Variants in SLC4A4 observed in about 807,000 individuals in gnomAD.
SLC4A4 encodes electrogenic sodium bicarbonate cotransporter 1.
SLC4A4 carries 27 observed loss-of-function variants against 111.5 expected under a neutral mutation model. The ratio of observed to expected loss-of-function variants is 0.24; its 90% CI spans 0.18 to 0.33. SLC4A4 has a LOEUF of 0.33. Among genes scored for constraint, SLC4A4 ranks in the 10% least tolerant of loss-of-function variants. SLC4A4 has a pLI of 1.00. For synonymous variants in SLC4A4, 443 were observed against 463.4 expected, an observed-to-expected ratio of 0.96 and a Z score of 0.57; for missense variants, 909 against 1,315.5, an observed-to-expected ratio of 0.69 and a Z score of 4.78.
chr4:71,145,836 C>T (rs188589588), intron 2 of SLC4A4, among the ~76,000 whole-genome samples: 3 of 152,094 alleles, frequency 2.0e-5, no homozygotes, highest in Non-Finnish European at 4.4e-5. Flanking sequence ...ATTCTTCTCT[C>T]TTTTCTTCTT....
At chr4:71,376,154 T>TACACACACAC (rs1280052167) in intron 6 of SLC4A4, among the ~76,000 whole-genome samples, 97 of 55,056 alleles carry the variant, frequency 1.8e-3, no homozygotes, top group Admixed American at 2.8e-3. Flanking sequence ...TACCTGTATA[T>TACACACACAC]ATACACACAC....
chr4:71,402,491 G>A (rs1720458319), intron 7 of SLC4A4, among the ~76,000 whole-genome samples: 1 of 152,158 alleles, frequency 6.6e-6, no homozygotes, highest in Non-Finnish European at 1.5e-5. Flanking sequence ...CTGAATGTGG[G>A]TGGTCTTACT....
At chr4:71,106,521 C>T (rs1242803609) in intron 2 of SLC4A4, among the ~76,000 whole-genome samples, 11 of 144,092 alleles carry the variant, frequency 7.6e-5, no homozygotes, top group African/African-American at 2.9e-4. Flanking sequence ...TTGGAACCAA[C>T]CCAAATGTCC....
At chr4:71,421,397 A>G (rs1026042143) in intron 7 of SLC4A4, among the ~76,000 whole-genome samples, 1 of 152,216 alleles carries the variant, frequency 6.6e-6, no homozygotes, top group Non-Finnish European at 1.5e-5. Context: ...GGAGACTTTA[A>G]CACCCCACTG....
chr4:71,145,382 T>C (rs1744134439), intron 2 of SLC4A4, among the ~76,000 whole-genome samples: 1 of 152,150 alleles, frequency 6.6e-6, no homozygotes, highest in Non-Finnish European at 1.5e-5. Flanking sequence ...CATCAATGTT[T>C]ATCAAGGATA....
intron 8 of SLC4A4, 66 bp from the exon 9 acceptor site, chr4:71,447,580 A>G: frequency 1.0e-6 from 1 of 965,162 alleles, no homozygotes; most frequent in South Asian, 1.3e-5. Context: ...AACATTTCTC[A>G]GTTTTATGTA....
chr4:71,188,503 A>C (rs966658679), intron 1 of SLC4A4, among the ~76,000 whole-genome samples: 1 of 152,198 alleles, frequency 6.6e-6, no homozygotes, highest in Non-Finnish European at 1.5e-5. Context: ...GGGCTGTACT[A>C]AACGCTCATT....
At chr4:71,494,002 AT>A (rs1730179802) in intron 15 of SLC4A4, among the ~76,000 whole-genome samples, 1 of 151,856 alleles carries the variant, frequency 6.6e-6, no homozygotes, top group African/African-American at 2.4e-5. Context: ...TCCATTGTGG[AT>A]ACCCTAGATG....
chr4:71,347,513 T>C (rs905437492), intron 4 of SLC4A4, among the ~76,000 whole-genome samples: 1 of 152,108 alleles, frequency 6.6e-6, no homozygotes, highest in Non-Finnish European at 1.5e-5. Flanking sequence ...AGGGGCTAGA[T>C]AGCTGTCTGG....
Position 71,497,560 on chromosome 4 carries a change from A to T in SLC4A4, c.2034A>T (p.Gly678=). The T allele has an allele frequency of 6.2e-7, 1 of 1,613,644 alleles. No individual in the cohort carries two copies. The highest frequency in any genetic ancestry group is 2.2e-5 in the East Asian group (1 of 44,800). Residue 678 remains glycine, a synonymous_variant, in exon 16 of 26, where the codon GGA becomes GGT. Transcript: ENST00000264485. ...CGAAGAAGGAGTGTTCAAAATACGG[A>T]GGAAACCTCGTCGGGAACAACTGTA... ...FLSKKECSKY[G]GNLVGNNCNF...
chr4:71,420,308 C>T (rs146799120), intron 7 of SLC4A4, among the ~76,000 whole-genome samples: 21,770 of 152,098 alleles, frequency 0.14, 1,852 homozygotes, highest in South Asian at 0.29. Context: ...AAGAAACGAA[C>T]AAAGCCTCCA....
chr4:71,198,441 G>T (rs1023221991), intron 1 of SLC4A4, among the ~76,000 whole-genome samples: 1 of 152,136 alleles, frequency 6.6e-6, no homozygotes, highest in Non-Finnish European at 1.5e-5. Context: ...ATTCCTTTGA[G>T]GGTTTGGTCT....
chr4:71,183,624 GA>G (rs1422222753), upstream of SLC4A4, among the ~76,000 whole-genome samples: 1 of 152,152 alleles, frequency 6.6e-6, no homozygotes, highest in East Asian at 1.9e-4. Flanking sequence ...TTTAGAATGA[GA>G]AGAACAAAAG....
intron 6 of SLC4A4, among the ~76,000 whole-genome samples, chr4:71,379,403 A>C (rs1717870827): frequency 6.6e-6 from 1 of 152,042 alleles, no homozygotes; most frequent in Admixed American, 6.6e-5. Context: ...TCTATCACTT[A>C]TTCATGCTGT....
At chr4:71,143,054 C>G (rs998917632) in intron 2 of SLC4A4, among the ~76,000 whole-genome samples, 1 of 152,020 alleles carries the variant, frequency 6.6e-6, no homozygotes, top group African/African-American at 2.4e-5. Context: ...CCCAGTAACT[C>G]GTCATTTAGC....
chr4:71,308,482 A>G (rs1298223422), intron 3 of SLC4A4, among the ~76,000 whole-genome samples: 4 of 152,164 alleles, frequency 2.6e-5, no homozygotes, highest in African/African-American at 9.7e-5. Flanking sequence ...AGCGAGACCA[A>G]TGCAGAAGGC....
intron 15 of SLC4A4, among the ~76,000 whole-genome samples, chr4:71,487,388 G>T (rs1729511386): frequency 6.6e-6 from 1 of 151,638 alleles, no homozygotes; most frequent in Non-Finnish European, 1.5e-5. Context: ...GTATGGTTAA[G>T]AATTCTTACC....
chr4:71,175,919 G>A (rs1745082087), intron 2 of SLC4A4, among the ~76,000 whole-genome samples: 2 of 152,162 alleles, frequency 1.3e-5, no homozygotes, highest in African/African-American at 4.8e-5. Context: ...TAACTGGGAG[G>A]CACCCCCCAG....
intron 2 of SLC4A4, among the ~76,000 whole-genome samples, chr4:71,178,853 A>G (rs1230043886): frequency 1.3e-5 from 2 of 152,258 alleles, no homozygotes; most frequent in Non-Finnish European, 2.9e-5. Flanking sequence ...AACTCATTTT[A>G]TGAGGCCAGC....
Sources: gnomAD v4.1 joint callset for allele counts (sites outside exome capture counted in the v4.1 genomes callset) on GRCh38, gnomAD v4.1.1 for gene constraint, MANE v1.5 for transcripts, NCBI Gene and HGNC (gene_info 2026-07-23, HGNC 2026-07-21) for gene names.